The following EEFSEC variants were observed in gnomAD, a reference collection of about 807,000 sequenced individuals.
The protein encoded by EEFSEC is selenocysteine-specific elongation factor.
EEFSEC carries 43 observed loss-of-function variants against 42.1 expected under a neutral mutation model. That is an observed-to-expected ratio of 1.02 (90% CI 0.80 to 1.32). The LOEUF is 1.32. Among genes scored for constraint, EEFSEC ranks in the 40% most tolerant of loss-of-function variants. The probability of loss-of-function intolerance (pLI) is 0.00; values close to 1 mark genes in which losing one functional copy is unlikely to be tolerated. For missense variants in EEFSEC, 745 were observed against 803.6 expected, an observed-to-expected ratio of 0.93 and a Z score of 0.88; for synonymous variants, 354 against 339.1, an observed-to-expected ratio of 1.04 and a Z score of -0.48.
intron 1 of EEFSEC, among the ~76,000 whole-genome samples, chr3:128,169,822 T>C (rs1400192169): frequency 6.6e-6 from 1 of 152,178 alleles, no homozygotes; most frequent in Admixed American, 6.5e-5. Context: ...AAAATTCCCC[T>C]GACACCTAGA....
chr3:128,295,507 G>A (rs1213635202), intron 4 of EEFSEC, among the ~76,000 whole-genome samples: 1 of 109,744 alleles, frequency 9.1e-6, no homozygotes, highest in African/African-American at 3.5e-5. Context: ...TATGATATGT[G>A]TGTCTTATTA....
chr3:128,153,565 A>T lies in EEFSEC; in HGVS notation c.58A>T (p.Lys20Ter). 1 of 1,538,752 alleles carries T rather than the reference A, an allele frequency of 6.5e-7. No individual in the cohort carries two copies. The highest frequency in any genetic ancestry group is 8.7e-7 in the Non-Finnish European group (1 of 1,149,460). Residue 20 changes from lysine (K) to a stop codon, truncating the protein, a stop_gained, in exon 1 of 7, where the codon AAG (lysine) becomes TAG (stop). Transcript: ENST00000254730. LOFTEE classifies it high-confidence loss of function. The stretch of plus-strand genomic sequence containing the variant: ...CGTGCTGGGCCACATCGACAGCGGC[A>T]AGACGGCGCTGGCGCGGGCGCTAAG... ...VGVLGHIDSG[K>*]TALARALSTT...
At chr3:128,397,322 C>G (rs1390985147) in intron 6 of EEFSEC, among the ~76,000 whole-genome samples, 3 of 152,204 alleles carry the variant, frequency 2.0e-5, no homozygotes, top group South Asian at 4.1e-4. Flanking sequence ...GAAGCTGGGG[C>G]CTGGATGGGA....
chr3:128,376,435 T>G (rs1702118), intron 6 of EEFSEC, among the ~76,000 whole-genome samples: 18,746 of 152,166 alleles, frequency 0.12, 1,386 homozygotes, highest in South Asian at 0.21. Context: ...CAGCTTCGCT[T>G]CCTGAGCCCT....
chr3:128,365,217 G>C (rs2067575347), intron 6 of EEFSEC, among the ~76,000 whole-genome samples: 1 of 152,228 alleles, frequency 6.6e-6, no homozygotes, highest in Non-Finnish European at 1.5e-5. Context: ...AACAAGGCCT[G>C]GGTGGGGAGG....
At chr3:128,288,905 CGTT>C (rs2066614134) in intron 4 of EEFSEC, among the ~76,000 whole-genome samples, 1 of 152,146 alleles carries the variant, frequency 6.6e-6, no homozygotes, top group African/African-American at 2.4e-5. Flanking sequence ...CTCATGGGTC[CGTT>C]GGTGCCTGGA....
At chr3:128,282,974 T>A (rs1017571888) in intron 4 of EEFSEC, among the ~76,000 whole-genome samples, 1 of 152,238 alleles carries the variant, frequency 6.6e-6, no homozygotes, top group African/African-American at 2.4e-5. Flanking sequence ...TGCCTCCCTT[T>A]TAAGTGAGTA....
At chr3:128,344,127 G>A (rs901381499) in intron 5 of EEFSEC, among the ~76,000 whole-genome samples, 1 of 152,236 alleles carries the variant, frequency 6.6e-6, no homozygotes, top group Non-Finnish European at 1.5e-5. Flanking sequence ...TAGCTGAATG[G>A]GCACCTGCCT....
intron 4 of EEFSEC, among the ~76,000 whole-genome samples, chr3:128,337,245 C>T (rs1484562146): frequency 1.3e-5 from 2 of 152,174 alleles, no homozygotes; most frequent in East Asian, 3.9e-4. Flanking sequence ...GCCATGCTGC[C>T]CTGTCCCCAT....
At chr3:128,211,848 C>CTTTTTTTTTTTTTTTTTTTTTTT (rs34885945) in intron 1 of EEFSEC, among the ~76,000 whole-genome samples, 1 of 51,694 alleles carries the variant, frequency 1.9e-5, no homozygotes, top group Non-Finnish European at 3.2e-5. Context: ...TTTTTCTTTT[C>CTTTTTTTTTTTTTTTTTTTTTTT]TTTTTTTTTT....
intron 1 of EEFSEC, among the ~76,000 whole-genome samples, chr3:128,213,580 T>C (rs943925834): frequency 3.3e-5 from 5 of 151,894 alleles, no homozygotes; most frequent in African/African-American, 9.7e-5. Context: ...CCCTTGGGGA[T>C]GCTGAGCTCC....
intron 4 of EEFSEC, 130 bp from the exon 5 acceptor site, chr3:128,341,103 C>T: frequency 8.8e-7 from 1 of 1,130,264 alleles, no homozygotes; most frequent in Non-Finnish European, 1.2e-6. Context: ...GCCCCAGACC[C>T]CCCTTGGCTG....
intron 6 of EEFSEC, among the ~76,000 whole-genome samples, chr3:128,400,146 A>C (rs58817699): frequency 6.6e-6 from 1 of 152,078 alleles, no homozygotes; most frequent in East Asian, 1.9e-4. Context: ...GCCTCCAGCC[A>C]CGCCCTGACT....
chr3:128,216,910 T>C (rs980917782), intron 1 of EEFSEC, among the ~76,000 whole-genome samples: 11 of 152,132 alleles, frequency 7.2e-5, no homozygotes, highest in Admixed American at 7.2e-4. Flanking sequence ...CTGAAAACTT[T>C]TCAGATACTT....
At chr3:128,393,254 C>G (rs1258709926) in intron 6 of EEFSEC, among the ~76,000 whole-genome samples, 1 of 152,242 alleles carries the variant, frequency 6.6e-6, no homozygotes, top group Non-Finnish European at 1.5e-5. Flanking sequence ...GCACCACCCC[C>G]CAGGCACCTG....
intron 1 of EEFSEC, among the ~76,000 whole-genome samples, chr3:128,196,951 G>C (rs1019482596): frequency 6.6e-6 from 1 of 152,326 alleles, no homozygotes; most frequent in East Asian, 1.9e-4. Flanking sequence ...TTGGATGCTC[G>C]CAGTATGTTA....
At chr3:128,268,161 G>C (rs1418758008) in intron 4 of EEFSEC, among the ~76,000 whole-genome samples, 1 of 152,222 alleles carries the variant, frequency 6.6e-6, no homozygotes, top group Non-Finnish European at 1.5e-5. Context: ...TTTTAAACTT[G>C]CTTGGGACCA....
chr3:128,242,436 T>C (rs1319699957), intron 1 of EEFSEC, among the ~76,000 whole-genome samples: 2 of 152,188 alleles, frequency 1.3e-5, no homozygotes, highest in Non-Finnish European at 2.9e-5. Flanking sequence ...AATAAATTTT[T>C]TTTTCTTTAT....
In EEFSEC at chr3:128,178,145, C is replaced by T. The variant is rs570409143; in HGVS notation, c.316+24322C>T. Among the ~76,000 whole-genome samples the T allele has an allele frequency of 1.9e-4, 29 of 152,240 alleles. No individual in the cohort carries two copies. The East Asian group carries it at 5.4e-3, about 28-fold the overall frequency. On this transcript the variant is annotated intron_variant, in intron 1 of 6. Coordinates refer to ENST00000254730, the MANE Select transcript of EEFSEC (RefSeq NM_021937.5). ...AGAGTCGAGTTATGTGGTAAAAATG[C>T]ATGAACTAAGTAATTTTCAGTGAAG...
Sources: gnomAD v4.1 joint callset for allele counts (sites outside exome capture counted in the v4.1 genomes callset) on GRCh38, gnomAD v4.1.1 for gene constraint, MANE v1.5 for transcripts, NCBI Gene and HGNC (gene_info 2026-07-23, HGNC 2026-07-21) for gene names.